Variants in DCHS1 observed in about 807,000 individuals in gnomAD.
DCHS1 encodes the protein dachsous cadherin-related 1, also known as protocadherin-16.
In DCHS1, 78 loss-of-function variants were observed where a neutral mutation model predicts 213.9. The observed-to-expected ratio is 0.36, with a 90% CI of 0.30 to 0.44. DCHS1 has a LOEUF of 0.44. Ranked by LOEUF, DCHS1 falls within the 20% of genes least tolerant of loss-of-function variation. The pLI, the probability that DCHS1 is intolerant of heterozygous loss-of-function variation, is 1.00. For missense variants in DCHS1, 3,946 were observed against 4,395.9 expected (o/e 0.90, Z 2.89); for synonymous variants, 1,828 against 1,873.7 (o/e 0.98, Z 0.63).
At position 6,621,360 on chromosome 11, in the gene DCHS1, T is replaced by G. The variant is rs189069517; in HGVS notation, c.*419A>C. On this transcript the variant is annotated 3_prime_UTR_variant, in exon 21 of 21. Transcript: ENST00000299441. ...ATTGCAGTTTATTAAGGCTCCAGAG[T>G]GAGAAATGGCACTTGGTTCTGGGCA... The G allele has an allele frequency of 2.9e-4, 93 of 318,224 alleles. 1 individual carries two copies. In the East Asian group the frequency reaches 6.9e-3, roughly 23 times the overall value. 19.7% of individuals were successfully genotyped at this position (318,224 alleles called of 1,614,324 possible).
chr11:6,629,552 T>C lies in DCHS1; in HGVS notation c.5061A>G (p.Gly1687=). 1 of 1,613,628 alleles carries C rather than the reference T, an allele frequency of 6.2e-7. No individual in the cohort carries two copies. Among genetic ancestry groups the C allele is most frequent in the South Asian group, 1.1e-5 (1 of 90,968 alleles). The change falls in exon 12 of 21, where the codon GGA becomes GGG. Residue 1687 remains glycine (G), a synonymous_variant. Coordinates refer to ENST00000299441, the MANE Select transcript of DCHS1 (RefSeq NM_003737.4). ...DVGANGQVTY[G]GVSSESFSLD... ...GAGAAAAGCTTTCGCTAGAGACGCC[T>C]CCATAAGTCACTTGCCCGTTGGCCC...
intron 1 of DCHS1, among the ~76,000 whole-genome samples, chr11:6,643,821 C>T (rs1213046074): frequency 6.6e-6 from 1 of 152,212 alleles, no homozygotes; most frequent in Non-Finnish European, 1.5e-5. Context: ...TATCCCCAGT[C>T]ATCACCTCAA....
rs765969926 is a variant in DCHS1, at chr11:6,630,448, G to A, written c.4346C>T (p.Pro1449Leu). 7.9e-6 allele frequency: 12 copies of A among 1,511,324 alleles called. No homozygotes were observed. Among genetic ancestry groups the A allele is most frequent in the South Asian group, 3.6e-5 (3 of 83,162 alleles). 93.6% of individuals were successfully genotyped at this position (1,511,324 alleles called of 1,614,324 possible). ...AGTGTACAGCGCTGCGCCGGGCTCC[G>A]GGTTCTCTGGCAGCGCCAGCGCCAG... ...DPLALALPEN[P>L]EPGAALYTFR... Residue 1449 changes from proline (P) to leucine (L), a missense_variant, in exon 10 of 21, where the codon CCG (proline) becomes CTG (leucine). Coordinates refer to ENST00000299441, the MANE Select transcript of DCHS1 (RefSeq NM_003737.4).
rs750889492 is a variant in DCHS1, at chr11:6,624,718, G to A, written c.7285+12C>T. On this transcript the variant is annotated intron_variant, in intron 20 of 20. Coordinates refer to ENST00000299441, the MANE Select transcript of DCHS1 (RefSeq NM_003737.4). The stretch of plus-strand genomic sequence containing the variant: ...AGTCAAAGGCAAGGGGCAGATCCTG[G>A]GAAAGACGCACCATTGTTGGGGTCA... The A allele has an allele frequency of 5.0e-6, 8 of 1,613,864 alleles. No homozygotes were observed. The highest frequency in any genetic ancestry group is 8.5e-7 in the Non-Finnish European group (1 of 1,179,830).
rs2134612557 is a variant in DCHS1 at position 6,624,180 on chromosome 11, G to C, written c.7496C>G (p.Ser2499Cys). The change falls in exon 21 of 21, where the codon TCC becomes TGC. Residue 2499 changes from serine (S) to cysteine (C), a missense_variant. This residue lies in a region of DCHS1 where 3,384 missense variants were observed against 3,780.1 expected (regional missense o/e 0.90). Transcript: ENST00000299441. ...TGTAGCCTCCAGGGTGAGCAGAGTG[G>C]AGCCAGGGGGCAGGTCTTCAGTCAC... ...VAVTEDLPPGSTLLTLEATDA... is the reference protein window; with the variant it reads ...VAVTEDLPPGCTLLTLEATDA... 1.2e-6 allele frequency: 2 copies of C among 1,613,256 alleles called. No homozygotes were observed. Among genetic ancestry groups the C allele is most frequent in the East Asian group, 2.2e-5 (1 of 44,856 alleles).
At chr11:6,652,610 T>C (rs558879954) in intron 1 of DCHS1, among the ~76,000 whole-genome samples, 148 of 152,220 alleles carry the variant, frequency 9.7e-4, no homozygotes, top group Middle Eastern at 3.4e-3. Flanking sequence ...AGGAAGGGGA[T>C]GGGATCCGTA....
Position 6,634,256 on chromosome 11 carries a change from G to T in DCHS1, c.1848C>A (p.Ser616=). 6.2e-7 allele frequency: 1 copy of T among 1,613,334 alleles called. No homozygotes were observed. Among genetic ancestry groups the T allele is most frequent in the Non-Finnish European group, 8.5e-7 (1 of 1,179,510 alleles). The change falls in exon 3 of 21, where the codon TCC becomes TCA. Residue 616 remains serine, a synonymous_variant. Coordinates refer to ENST00000299441, the MANE Select transcript of DCHS1 (RefSeq NM_003737.4). The part of the protein sequence containing the change: ...DSGPFGLLSY[S]LGAGLGSSGS... ...CGGAGGACCCAAGTCCAGCACCCAAGGAATAGGAGAGGAGGCCAAATGGGC... is the reference window on the plus strand; with the variant it reads ...CGGAGGACCCAAGTCCAGCACCCAATGAATAGGAGAGGAGGCCAAATGGGC...
Position 6,655,571 on chromosome 11 carries a change from G to A in DCHS1, c.-129C>T. On this transcript the variant is annotated 5_prime_UTR_variant, in exon 1 of 21. Transcript: ENST00000299441. ...CGGGCGCGGGCACTGACCTCCGCGCGACGCGGGCTCCCTCGCCCGGTGCTG... is the reference window on the plus strand; with the variant it reads ...CGGGCGCGGGCACTGACCTCCGCGCAACGCGGGCTCCCTCGCCCGGTGCTG... 1 of 980,674 alleles carries A rather than the reference G, an allele frequency of 1.0e-6. No individual in the cohort carries two copies. Among genetic ancestry groups the A allele is most frequent in the Non-Finnish European group, 1.2e-6 (1 of 828,122 alleles). The allele number at this position is 980,674 out of a possible 1,614,324, so 60.7% of individuals were successfully genotyped here. A position where few individuals can be genotyped will look rare whatever the true frequency, so the allele number is the denominator to read the frequency against.
chr11:6,629,171 C>T (rs1160170643), intron 12 of DCHS1, among the ~76,000 whole-genome samples: 4 of 152,222 alleles, frequency 2.6e-5, no homozygotes, highest in Admixed American at 2.0e-4. Context: ...TATCAAAATG[C>T]TCCTCTGTTA....
In DCHS1 at chr11:6,646,212, C is replaced by T. The variant is rs535009977; in HGVS notation, c.-120-4479G>A. Among the ~76,000 whole-genome samples the T allele has an allele frequency of 9.2e-5, 14 of 152,238 alleles. No homozygotes were observed. In the East Asian group the frequency reaches 1.4e-3, roughly 15 times the overall value. ...CAGACTGACAAGGCGAGCATGCACT[C>T]ACACTTGAAGACCCACCCACACGCA... is the stretch of plus-strand genomic sequence containing the variant. On this transcript the variant is annotated intron_variant, in intron 1 of 20. Coordinates refer to ENST00000299441, the MANE Select transcript of DCHS1 (RefSeq NM_003737.4).
At position 6,622,453 on chromosome 11, in the gene DCHS1, C is replaced by T. The variant is rs868375864; in HGVS notation, c.9223G>A (p.Gly3075Ser). The T allele has an allele frequency of 1.9e-6, 3 of 1,561,992 alleles. No individual in the cohort carries two copies. Among genetic ancestry groups the T allele is most frequent in the Non-Finnish European group, 2.6e-6 (3 of 1,153,004 alleles). The part of the protein sequence containing the change: ...PDSGIQQDAD[G>S]LSDTSCEPPA... ...GGTTCGCAGGATGTGTCACTCAGAC[C>T]ATCTGCATCCTGCTGGATGCCTGAG... The change falls in exon 21 of 21, where the codon GGT (glycine) becomes AGT (serine). Residue 3075 changes from glycine (G) to serine (S), a missense_variant. Physicochemically the swap from Gly to Ser is moderately conservative, Grantham distance 56. Coordinates refer to ENST00000299441, the MANE Select transcript of DCHS1 (RefSeq NM_003737.4). The surrounding 1 kb of genome is among the most constrained non-coding windows in gnomAD (Gnocchi z 5.4).
At position 6,623,090 on chromosome 11, in the gene DCHS1, G is replaced by C. The variant is rs374582881; in HGVS notation, c.8586C>G (p.Asn2862Lys). 3.4e-5 allele frequency: 54 copies of C among 1,598,444 alleles called. No individual in the cohort carries two copies. The Admixed American group carries it at 5.2e-4, about 15-fold the overall frequency. Residue 2862 changes from asparagine (N) to lysine (K), a missense_variant, in exon 21 of 21, where the codon AAC (asparagine) becomes AAG (lysine). By Grantham distance (94) the Asn-to-Lys change is moderately conservative. This residue lies in a region of DCHS1 where 554 missense variants were observed against 590.2 expected (regional missense o/e 0.94). Coordinates refer to ENST00000299441, the MANE Select transcript of DCHS1 (RefSeq NM_003737.4). ...GCAGGTACAGGGCTCCTGTAGTCTG[G>C]TTAATACCAAAATAGGGGGAAGAGG... is the stretch of plus-strand genomic sequence containing the variant. ...LATSSPYFGI[N>K]QTTGALYLRV... is the part of the protein sequence containing the mutation.
intron 1 of DCHS1, among the ~76,000 whole-genome samples, chr11:6,653,490 A>C (rs1332655789): frequency 6.6e-6 from 1 of 152,200 alleles, no homozygotes; most frequent in Non-Finnish European, 1.5e-5. Flanking sequence ...GTAGGTGCCT[A>C]GTATGTGTTT....
rs1452154224 is a variant in DCHS1 at position 6,627,123 on chromosome 11, T to C, written c.5916A>G (p.Pro1972=). Residue 1972 remains proline (P), a synonymous_variant, in exon 14 of 21, where the codon CCA becomes CCG. Transcript: ENST00000299441. This position sits in a 1 kb window ranked among gnomAD's most constrained non-coding sequence, Gnocchi z 5.4. ...TSPLRLRLPR[P]GPSFSTPTLA... ...GGGTTGGGGTACTGAAGCTGGGGCC[T>C]GGGCGGGGCAGACGTAGGCGCAGAG... 1 of 1,612,780 alleles carries C rather than the reference T, an allele frequency of 6.2e-7. No individual in the cohort carries two copies. Among genetic ancestry groups the C allele is most frequent in the Non-Finnish European group, 8.5e-7 (1 of 1,179,450 alleles).
chr11:6,652,376 G>C (rs1180828909), intron 1 of DCHS1, among the ~76,000 whole-genome samples: 1 of 151,544 alleles, frequency 6.6e-6, no homozygotes. Flanking sequence ...GGCACAAATG[G>C]GAAGTGAGGA....
At position 6,622,438 on chromosome 11, in the gene DCHS1, A is replaced by C. The variant is rs1189204185; in HGVS notation, c.9238T>G (p.Ser3080Ala). The C allele has an allele frequency of 3.2e-6, 5 of 1,557,852 alleles. No homozygotes were observed. The African/African-American group carries it at 6.8e-5, about 21-fold the overall frequency. ...QQDADGLSDT[S>A]CEPPAPDTWY... ...GTGTCAGGGGCAGGTGGTTCGCAGG[A>C]TGTGTCACTCAGACCATCTGCATCC... The change falls in exon 21 of 21, where the codon TCC becomes GCC. Residue 3080 changes from serine to alanine, a missense_variant. Physicochemically the swap from Ser to Ala is moderately conservative, Grantham distance 99 (BLOSUM62 1). Coordinates refer to ENST00000299441, the MANE Select transcript of DCHS1 (RefSeq NM_003737.4). The surrounding 1 kb of genome is among the most constrained non-coding windows in gnomAD (Gnocchi z 5.4).
intron 2 of DCHS1, 61 bp downstream of exon 2, chr11:6,639,756 A>C: frequency 7.1e-7 from 1 of 1,415,912 alleles, no homozygotes. Flanking sequence ...TCCTGCTCTG[A>C]GGTCCCCTGT....
In DCHS1 at chr11:6,640,786, C is replaced by T. The variant is rs761729388; in HGVS notation, c.828G>A (p.Gln276=). 33 of 1,613,952 alleles carry T rather than the reference C, an allele frequency of 2.0e-5. No homozygotes were observed. The highest frequency in any genetic ancestry group is 2.6e-5 in the Non-Finnish European group (31 of 1,179,912). ...CAGCATCGGCATCAGATGCGAACAC[C>T]TGCAAGACAGGACTGCCAGGGGCCA... ...ESLAPGSPVL[Q]VFASDADAGV... is the part of the protein sequence containing the mutation. The change falls in exon 2 of 21, where the codon CAG becomes CAA. Residue 276 remains glutamine (Q), a synonymous_variant. Transcript: ENST00000299441. The surrounding 1 kb of genome is among the most constrained non-coding windows in gnomAD (Gnocchi z 6.5).
In DCHS1 at chr11:6,623,412, C is replaced by G. The variant is rs141243126; in HGVS notation, c.8264G>C (p.Arg2755Pro). Residue 2755 changes from arginine (R) to proline (P), a missense_variant, in exon 21 of 21, where the codon CGT (arginine) becomes CCT (proline). Arg to Pro is a moderately radical substitution (Grantham distance 103). This residue lies in a region of DCHS1 where 3,384 missense variants were observed against 3,780.1 expected (regional missense o/e 0.90). Coordinates refer to ENST00000299441, the MANE Select transcript of DCHS1 (RefSeq NM_003737.4). ...TGAGCTGTTCAGTGCAAATGCCTCA[C>G]GGCCCTCAGGTCCTGGCCCAGCCTC... ...LLEAGPGPEG[R>P]EAFALNSSTG... The G allele has an allele frequency of 6.3e-7, 1 of 1,591,534 alleles. No homozygotes were observed. Among genetic ancestry groups the G allele is most frequent in the Admixed American group, 1.8e-5 (1 of 56,768 alleles).
Sources: allele counts gnomAD v4.1 joint callset (sites outside exome capture counted in the v4.1 genomes callset), GRCh38; gene constraint gnomAD v4.1.1; regional missense constraint gnomAD v4.1.1; non-coding constraint Gnocchi (gnomAD v3.1); transcripts MANE v1.5; gene names NCBI Gene and HGNC (gene_info 2026-07-23, HGNC 2026-07-21).